The following COPB2 variants were observed in gnomAD, a reference collection of about 807,000 sequenced individuals.
The protein encoded by COPB2 is coat protein complex I subunit beta 2, also known as coatomer subunit beta'.
COPB2 carries 16 observed loss-of-function variants against 120.8 expected under a neutral mutation model. The observed-to-expected ratio is 0.13, with a 90% CI of 0.09 to 0.20. The LOEUF (loss-of-function observed/expected upper bound fraction) is 0.20, where lower values mean the gene tolerates loss of function less well. Ranked by LOEUF, COPB2 falls within the 10% of genes least tolerant of loss-of-function variation. The pLI, the probability that COPB2 is intolerant of heterozygous loss-of-function variation, is 1.00. For synonymous variants in COPB2, 332 were observed against 366.3 expected (o/e 0.91, Z 1.07); for missense variants, 794 against 1,076.5 (o/e 0.74, Z 3.67).
chr3:139,384,960 T>G (rs143410588), intron 1 of COPB2: 27 of 152,384 alleles, frequency 1.8e-4, no homozygotes, highest in African/African-American at 6.5e-4. Context: ...AGACCACATT[T>G]TGAGAACCTC....
intron 1 of COPB2, 40 bp downstream of exon 1, chr3:139,389,508 C>G (rs2107814446): frequency 6.5e-7 from 1 of 1,547,268 alleles, no homozygotes; most frequent in African/African-American, 1.4e-5. Flanking sequence ...TCGGCCGTAA[C>G]CTATGGGACC....
intron 13 of COPB2, 126 bp from the exon 14 acceptor site, chr3:139,367,271 G>GAA: frequency 2.1e-6 from 2 of 962,050 alleles, no homozygotes; most frequent in South Asian, 2.3e-5. Flanking sequence ...CCTATTTCTA[G>GAA]AAAAAAAAAA....
chr3:139,366,293 T>C (rs922918862), intron 15 of COPB2, among the ~76,000 whole-genome samples: 2 of 152,052 alleles, frequency 1.3e-5, no homozygotes, highest in Admixed American at 6.6e-5. Context: ...AAATGCAGTG[T>C]AGAAATGAAA....
chr3:139,358,671 ACT>A (rs901487002), intron 20 of COPB2, 71 bp downstream of exon 20: 12 of 1,088,788 alleles, frequency 1.1e-5, no homozygotes, highest in African/African-American at 1.1e-4. Flanking sequence ...ATGGAGCGAA[ACT>A]CTGTCTCAAA....
chr3:139,359,901 T>G (rs1218221797), intron 17 of COPB2, among the ~76,000 whole-genome samples: 1 of 152,172 alleles, frequency 6.6e-6, no homozygotes, highest in African/African-American at 2.4e-5. Flanking sequence ...ATGTATTACC[T>G]TACATCCTCA....
chr3:139,379,328 A>C lies in COPB2; in HGVS notation c.228+52T>G. On this transcript the variant is annotated intron_variant, in intron 3 of 21. Coordinates refer to ENST00000333188, the MANE Select transcript of COPB2 (RefSeq NM_004766.3). Reference sequence around the variant, plus strand: ...TCAAAATCCTGCAACAAATTTACACAATCATTGACCAATTCAGAAAATGGG... The same window carrying C: ...TCAAAATCCTGCAACAAATTTACACCATCATTGACCAATTCAGAAAATGGG... 5 of 1,583,980 alleles carry C rather than the reference A, an allele frequency of 3.2e-6. No individual in the cohort carries two copies. The Admixed American group carries it at 6.8e-5, about 22-fold the overall frequency.
Position 139,358,399 on chromosome 3 carries a change from C to T in COPB2, c.2554-128G>A. ...GATGTTTAAAAGTGAACCATCTCAG[C>T]CAGGCACAGTGGCTCACGCCTGTAA... On this transcript the variant is annotated intron_variant, in intron 20 of 21. Transcript: ENST00000333188. 3 of 837,664 alleles carry T rather than the reference C, an allele frequency of 3.6e-6. No individual in the cohort carries two copies. In the South Asian group the frequency reaches 4.8e-5, roughly 13 times the overall value. The allele number at this position is 837,664 out of a possible 1,614,324, so 51.9% of individuals were successfully genotyped here.
intron 13 of COPB2, 105 bp from the exon 14 acceptor site, chr3:139,367,250 G>A: frequency 8.0e-7 from 1 of 1,247,284 alleles, no homozygotes. Context: ...GGAATGCAAA[G>A]TAAAATCCTT....
chr3:139,379,573 G>T, intron 2 of COPB2, 107 bp from the exon 3 acceptor site: 1 of 863,934 alleles, frequency 1.2e-6, no homozygotes, highest in Non-Finnish European at 1.8e-6. Context: ...TCTCATTTTA[G>T]TATATTCTCA....
At chr3:139,377,557 C>T (rs149946817) in intron 5 of COPB2, among the ~76,000 whole-genome samples, 2 of 152,308 alleles carry the variant, frequency 1.3e-5, no homozygotes, top group East Asian at 3.9e-4. Context: ...TCCTGGAAAT[C>T]CTTGTATTCC....
chr3:139,375,235 C>T lies in COPB2; in HGVS notation c.651+233G>A, dbSNP rs147520165. 1.8e-3 allele frequency among the ~76,000 whole-genome samples: 275 copies of T among 152,228 alleles called. 2 individuals carry two copies. Among genetic ancestry groups the T allele is most frequent in the African/African-American group, 6.1e-3 (255 of 41,552 alleles). ...ATTCAACATTAAAATGTTAAAATTT[C>T]TAAATGCAATTATGAAATGAAATAT... is the stretch of plus-strand genomic sequence containing the variant. On this transcript the variant is annotated intron_variant, in intron 6 of 21. Coordinates refer to ENST00000333188, the MANE Select transcript of COPB2 (RefSeq NM_004766.3).
chr3:139,374,282 T>C (rs150293515), intron 7 of COPB2: 303 of 536,786 alleles, frequency 5.6e-4, no homozygotes, highest in African/African-American at 5.2e-3. Context: ...AGAATCAAAA[T>C]ACATGAGAAT....
intron 17 of COPB2, 115 bp downstream of exon 17, chr3:139,360,966 G>T: frequency 8.8e-7 from 1 of 1,132,962 alleles, no homozygotes; most frequent in Non-Finnish European, 1.3e-6. Context: ...TGACTGCCCC[G>T]TCTATTCAAC....
rs1320984003 is a variant in COPB2, at chr3:139,358,228, G to C, written c.2597C>G (p.Ala866Gly). The C allele has an allele frequency of 1.2e-6, 2 of 1,614,102 alleles. No individual in the cohort carries two copies. Among genetic ancestry groups the C allele is most frequent in the South Asian group, 2.2e-5 (2 of 91,080 alleles). ...TTCTTCTTTGTTGGCTGTGTGGGAG[G>C]CCACAATAACCGGAGTAGGAGAAGC... ...KPASPTPVIV[A>G]SHTANKEEKS... Residue 866 changes from alanine to glycine, a missense_variant, in exon 21 of 22, where the codon GCC (alanine) becomes GGC (glycine). Transcript: ENST00000333188.
intron 1 of COPB2, among the ~76,000 whole-genome samples, chr3:139,388,962 G>C (rs1941992798): frequency 6.6e-6 from 1 of 152,080 alleles, no homozygotes; most frequent in African/African-American, 2.4e-5. Flanking sequence ...CCAGCCACTG[G>C]ATTTGCAAAT....
At chr3:139,377,087 T>C (rs756150035) in intron 5 of COPB2, among the ~76,000 whole-genome samples, 6 of 152,118 alleles carry the variant, frequency 3.9e-5, no homozygotes, top group Non-Finnish European at 5.9e-5. Flanking sequence ...AAAAGAAGCA[T>C]GATTGCCCTC....
intron 19 of COPB2, 28 bp downstream of exon 19, chr3:139,358,970 A>AGG: frequency 6.2e-7 from 1 of 1,605,534 alleles, no homozygotes; most frequent in Non-Finnish European, 8.5e-7. Flanking sequence ...AGTTACAATA[A>AGG]ATGAAGCTTG....
chr3:139,389,666 ATT>A, upstream of COPB2: 3 of 1,126,702 alleles, frequency 2.7e-6, no homozygotes, highest in Non-Finnish European at 2.5e-6. Context: ...CCGGGAGCCG[ATT>A]CTCGCGATAG....
At chr3:139,358,328 A>G in intron 20 of COPB2, 57 bp from the exon 21 acceptor site, 1 of 1,456,378 alleles carries the variant, frequency 6.9e-7, no homozygotes, top group Non-Finnish European at 9.6e-7. Context: ...GGGAATTTAA[A>G]GTTTTCCCCC....
Sources: gnomAD v4.1 joint callset for allele counts (sites outside exome capture counted in the v4.1 genomes callset) on GRCh38, gnomAD v4.1.1 for gene constraint, MANE v1.5 for transcripts, NCBI Gene and HGNC (gene_info 2026-07-23, HGNC 2026-07-21) for gene names.